Variants in HUWE1 observed in about 807,000 individuals in gnomAD.
The protein encoded by HUWE1 is HECT, UBA and WWE domain containing E3 ubiquitin protein ligase 1, also known as E3 ubiquitin-protein ligase HUWE1.
Under a neutral mutation model 299.4 loss-of-function variants are expected in HUWE1, and 18 were observed. The ratio of observed to expected loss-of-function variants is 0.06; its 90% confidence interval spans 0.04 to 0.09. The LOEUF is 0.09. Among genes scored for constraint, HUWE1 ranks in the 10% least tolerant of loss-of-function variants. The pLI, the probability that HUWE1 is intolerant of heterozygous loss-of-function variation, is 1.00. For synonymous variants in HUWE1, 1,317 were observed against 1,286.1 expected (o/e 1.02, Z -0.51); for missense variants, 1,832 against 3,462.3 (o/e 0.53, Z 11.82).
At chrX:53,569,874 C>T (rs782349884) in intron 47 of HUWE1, 47 bp from the exon 48 acceptor site, 6 of 1,068,203 alleles carry the variant, frequency 5.6e-6, no homozygotes, top group Non-Finnish European at 7.8e-6. Context: ...ACAATTATGC[C>T]ATATCATTTG....
chrX:53,621,790 T>C (rs2066163341), intron 19 of HUWE1, among the ~76,000 whole-genome samples: 1 of 112,233 alleles, frequency 8.9e-6, no homozygotes, highest in Non-Finnish European at 1.9e-5. Flanking sequence ...ACAGATACCC[T>C]AGCCCAGGCA....
At chrX:53,632,630 C>G in intron 8 of HUWE1, 66 bp from the exon 9 acceptor site, 1 of 825,273 alleles carries the variant, frequency 1.2e-6, no homozygotes, top group Non-Finnish European at 1.8e-6. Context: ...TTATCCCCCA[C>G]ATCTTCCCTC....
At chrX:53,679,250 T>C (rs782050597) in intron 3 of HUWE1, among the ~76,000 whole-genome samples, 55 of 111,572 alleles carry the variant, frequency 4.9e-4, no homozygotes, top group Admixed American at 8.6e-4. Flanking sequence ...ATAAATGTGC[T>C]TTCTCAGGAT....
chrX:53,591,193 T>A, intron 33 of HUWE1, 71 bp from the exon 34 acceptor site: 1 of 1,124,740 alleles, frequency 8.9e-7, no homozygotes, highest in Non-Finnish European at 1.2e-6. Context: ...GGAAGGAACC[T>A]TTTCAAGATG....
chrX:53,637,038 T>G (rs1346446233), intron 7 of HUWE1, among the ~76,000 whole-genome samples: 1 of 112,569 alleles, frequency 8.9e-6, no homozygotes, highest in Non-Finnish European at 1.9e-5. Flanking sequence ...CTTCATGTTT[T>G]TAACATTTCA....
Position 53,550,968 on chromosome X carries a change from C to A in HUWE1, c.9318G>T (p.Gln3106His). Residue 3106 changes from glutamine (Q) to histidine (H), a missense_variant, in exon 65 of 84, where the codon CAG (glutamine) becomes CAT (histidine). This residue lies in a region of HUWE1 where 91 missense variants were observed against 281.2 expected (regional missense o/e 0.32). Coordinates refer to ENST00000262854, the MANE Select transcript of HUWE1 (RefSeq NM_031407.7). Reference sequence around the variant, plus strand: ...GCCCAAACAGACGCTCATGCATGAGCTGTCGCTGCCGGGCTTCTTGCTCTC... The same window carrying A: ...GCCCAAACAGACGCTCATGCATGAGATGTCGCTGCCGGGCTTCTTGCTCTC... ...LRREQEARQRQLMHERLFGHS... is the reference protein window; with the variant it reads ...LRREQEARQRHLMHERLFGHS... The A allele has an allele frequency of 8.3e-7, 1 of 1,211,723 alleles. No individual in the cohort carries two copies. Among genetic ancestry groups the A allele is most frequent in the Non-Finnish European group, 1.1e-6 (1 of 895,497 alleles).
At chrX:53,557,326 A>G in intron 60 of HUWE1, 56 bp downstream of exon 60, 1 of 1,050,701 alleles carries the variant, frequency 9.5e-7, no homozygotes, top group African/African-American at 1.8e-5. Context: ...CGGAACTATC[A>G]GGATAAAGAA....
At chrX:53,657,846 G>A (rs1014349363) in intron 3 of HUWE1, among the ~76,000 whole-genome samples, 1 of 109,231 alleles carries the variant, frequency 9.2e-6, no homozygotes, top group Non-Finnish European at 1.9e-5. Flanking sequence ...TCAGGAGATC[G>A]AGACCATCCT....
chrX:53,607,760 C>G (rs2065224142), intron 24 of HUWE1, 61 bp from the exon 25 acceptor site: 1 of 766,958 alleles, frequency 1.3e-6, no homozygotes, highest in Non-Finnish European at 2.0e-6. Flanking sequence ...AATGGCCAGC[C>G]TGGAATAAGG....
chrX:53,676,170 G>A (rs782047361), intron 3 of HUWE1, among the ~76,000 whole-genome samples: 5 of 112,052 alleles, frequency 4.5e-5, no homozygotes, highest in Non-Finnish European at 9.4e-5. Context: ...CCTCTGAGCT[G>A]TTGAAGGAGT....
intron 55 of HUWE1, 103 bp downstream of exon 55, chrX:53,561,644 TAGGAAAAGA>T (rs2062299450): frequency 9.3e-7 from 1 of 1,079,355 alleles, no homozygotes; most frequent in Non-Finnish European, 1.3e-6. Context: ...GAAGTCAGCA[TAGGAAAAGA>T]AGTGCTGTCT....
chrX:53,584,495 G>GA, intron 40 of HUWE1, 150 bp from the exon 41 acceptor site: 3 of 514,869 alleles, frequency 5.8e-6, no homozygotes, highest in South Asian at 3.1e-5. Flanking sequence ...GAAAAAACCT[G>GA]AAAGTCCCCA....
At chrX:53,572,370 A>C (rs1462785601) in intron 47 of HUWE1, among the ~76,000 whole-genome samples, 1 of 111,764 alleles carries the variant, frequency 8.9e-6, no homozygotes, top group East Asian at 2.8e-4. Flanking sequence ...GCTAGTGGTT[A>C]CCTAGGAAAA....
chrX:53,663,944 G>C (rs1419202928), intron 3 of HUWE1, among the ~76,000 whole-genome samples: 1 of 110,525 alleles, frequency 9.0e-6, no homozygotes, highest in Non-Finnish European at 1.9e-5. Context: ...TTTAATGGTT[G>C]CCTCTAGCTG....
At chrX:53,547,426 CAA>C (rs1170795005) in intron 68 of HUWE1, among the ~76,000 whole-genome samples, 1 of 111,539 alleles carries the variant, frequency 9.0e-6, no homozygotes, top group Non-Finnish European at 1.9e-5. Context: ...TGCTGACCTT[CAA>C]AAGAGTGTGT....
chrX:53,568,349 A>C (rs1175735152), intron 49 of HUWE1, among the ~76,000 whole-genome samples: 3 of 112,055 alleles, frequency 2.7e-5, no homozygotes, highest in African/African-American at 6.5e-5. Flanking sequence ...ACTGAATAAT[A>C]AACCAATAAG....
At chrX:53,651,527 T>C (rs942195877) in intron 4 of HUWE1, among the ~76,000 whole-genome samples, 2 of 112,190 alleles carry the variant, frequency 1.8e-5, no homozygotes, top group Non-Finnish European at 3.8e-5. Flanking sequence ...ATCTCTAGTA[T>C]TACAATACTG....
chrX:53,654,382 T>G (rs987098743), intron 3 of HUWE1, among the ~76,000 whole-genome samples: 22 of 111,775 alleles, frequency 2.0e-4, no homozygotes, highest in Non-Finnish European at 3.2e-4. Context: ...AAATGAAAAT[T>G]TTTTCTCTTT....
rs1204862205 is a variant in HUWE1 at position 53,611,188 on chromosome X, T to TAAAA, written c.2262-2283_2262-2280dup. On this transcript the variant is annotated intron_variant, in intron 23 of 83. Transcript: ENST00000262854. Reference sequence around the variant, plus strand: ...TTGCAAATACTAGCTGCTGATTTTGTAAAAAAAAAAAAAAAAAAAAAGAAA... The same window carrying TAAAA: ...TTGCAAATACTAGCTGCTGATTTTGTAAAAAAAAAAAAAAAAAAAAAAAAAGAAA... Among the ~76,000 whole-genome samples the TAAAA allele has an allele frequency of 1.2e-3, 71 of 60,756 alleles. 1 individual carries two copies. The highest frequency in any genetic ancestry group is 3.9e-3 in the African/African-American group (60 of 15,473). 52.8% of individuals were successfully genotyped at this position (60,756 alleles called of 115,157 possible). A position where few individuals can be genotyped will look rare whatever the true frequency, so the allele number is the denominator to read the frequency against.
Sources: gnomAD v4.1 joint callset for allele counts (sites outside exome capture counted in the v4.1 genomes callset) on GRCh38, gnomAD v4.1.1 for gene constraint, gnomAD v4.1.1 regional missense constraint, MANE v1.5 for transcripts, NCBI Gene and HGNC (gene_info 2026-07-23, HGNC 2026-07-21) for gene names.